STXBP4: variants seen among roughly 807,000 people sequenced by gnomAD.
STXBP4 encodes the protein syntaxin binding protein 4, also known as syntaxin-binding protein 4.
A neutral mutation model predicts 76.1 loss-of-function variants in STXBP4; 55 were observed. The ratio of observed to expected loss-of-function variants is 0.72; its 90% confidence interval spans 0.58 to 0.91. The LOEUF (loss-of-function observed/expected upper bound fraction) is 0.91. STXBP4 is among the 40% of genes least tolerant of loss of function. STXBP4 has a pLI of 0.00. For synonymous variants in STXBP4, 201 were observed against 220.2 expected (o/e 0.91, Z 0.77); for missense variants, 618 against 636.9 (o/e 0.97, Z 0.32).
chr17:55,082,546 A>T (rs551041837), intron 16 of STXBP4, among the ~76,000 whole-genome samples: 181 of 152,286 alleles, frequency 1.2e-3, no homozygotes, highest in Admixed American at 2.7e-3. Flanking sequence ...ACACAGAACA[A>T]TTCTTTGTTG....
the STXBP4 span, among the ~76,000 whole-genome samples, chr17:55,181,775 C>G: frequency 6.6e-6 from 1 of 152,268 alleles, no homozygotes; most frequent in Non-Finnish European, 1.5e-5. Context: ...CCTATTTACC[C>G]TTAGGGTATC....
chr17:55,109,542 G>A (rs575916894), intron 16 of STXBP4, among the ~76,000 whole-genome samples: 50 of 150,322 alleles, frequency 3.3e-4, no homozygotes, highest in African/African-American at 1.2e-3. Flanking sequence ...GGCCCCAGAA[G>A]AGTTCAAAGT....
chr17:55,062,356 T>C (rs1384037875), intron 12 of STXBP4, among the ~76,000 whole-genome samples: 1 of 152,166 alleles, frequency 6.6e-6, no homozygotes, highest in Non-Finnish European at 1.5e-5. Context: ...TTTCTGTTCC[T>C]GTGTTAGTTT....
intron 3 of STXBP4, among the ~76,000 whole-genome samples, chr17:54,989,346 C>T (rs1260972091): frequency 1.3e-5 from 2 of 152,172 alleles, no homozygotes; most frequent in Non-Finnish European, 2.9e-5. Context: ...CCGCCCGCCT[C>T]GGCCTCCCAA....
At chr17:55,000,133 A>G in intron 6 of STXBP4, 1 of 772,744 alleles carries the variant, frequency 1.3e-6, no homozygotes, top group South Asian at 5.9e-5. Flanking sequence ...AGAATGTCAT[A>G]TTTGGTTTCA....
intron 12 of STXBP4, among the ~76,000 whole-genome samples, chr17:55,051,898 A>C (rs2078864531): frequency 6.6e-6 from 1 of 152,184 alleles, no homozygotes; most frequent in Admixed American, 6.6e-5. Context: ...GTGTGTATAT[A>C]TACAGATGTT....
chr17:55,041,005 A>G (rs1007307111), intron 10 of STXBP4, among the ~76,000 whole-genome samples: 11 of 152,134 alleles, frequency 7.2e-5, no homozygotes, highest in African/African-American at 1.9e-4. Flanking sequence ...TCTGGCTGCA[A>G]GTTTTTGCTG....
At chr17:55,174,771 C>G (rs2080422918), downstream of STXBP4, among the ~76,000 whole-genome samples, 1 of 152,190 alleles carries the variant, frequency 6.6e-6, no homozygotes, top group Non-Finnish European at 1.5e-5. Flanking sequence ...AAGAATGGCT[C>G]TGCCTTCTCC....
At chr17:55,124,554 G>C (rs2079884629) in intron 16 of STXBP4, among the ~76,000 whole-genome samples, 1 of 152,156 alleles carries the variant, frequency 6.6e-6, no homozygotes, top group Non-Finnish European at 1.5e-5. Context: ...GCATTGATTG[G>C]TAGATTTTGT....
At chr17:55,036,622 T>C (rs981875834) in intron 10 of STXBP4, among the ~76,000 whole-genome samples, 1 of 151,908 alleles carries the variant, frequency 6.6e-6, no homozygotes, top group Non-Finnish European at 1.5e-5. Flanking sequence ...CTTATATATT[T>C]CTTTATTTTT....
At chr17:54,974,191 A>G (rs1425532594) in intron 1 of STXBP4, among the ~76,000 whole-genome samples, 2 of 152,230 alleles carry the variant, frequency 1.3e-5, no homozygotes, top group Non-Finnish European at 1.5e-5. Flanking sequence ...ATACCTAACA[A>G]TAATTCTGAC....
intron 16 of STXBP4, among the ~76,000 whole-genome samples, chr17:55,086,635 G>A (rs112764703): frequency 0.012 from 1,883 of 152,006 alleles, 25 homozygotes; most frequent in Non-Finnish European, 0.02. Context: ...ATGGAGACAC[G>A]CACACATACC....
chr17:55,117,131 G>C (rs1567769732), intron 16 of STXBP4, among the ~76,000 whole-genome samples: 1 of 151,646 alleles, frequency 6.6e-6, no homozygotes, highest in African/African-American at 2.4e-5. Context: ...ATGTAATCTT[G>C]AAATTCTTGG....
intron 16 of STXBP4, among the ~76,000 whole-genome samples, chr17:55,084,237 G>A (rs925562041): frequency 6.6e-6 from 1 of 152,076 alleles, no homozygotes; most frequent in Non-Finnish European, 1.5e-5. Flanking sequence ...GCCAGTGATG[G>A]TGAGCATTTT....
chr17:54,998,822 C>A (rs1354662252), intron 4 of STXBP4, among the ~76,000 whole-genome samples: 1 of 144,594 alleles, frequency 6.9e-6, no homozygotes, highest in East Asian at 2.1e-4. Context: ...CTCATCTCTA[C>A]AAAAAATTTT....
intron 13 of STXBP4, among the ~76,000 whole-genome samples, chr17:55,077,154 G>A (rs1336091933): frequency 6.6e-6 from 1 of 151,900 alleles, no homozygotes; most frequent in Non-Finnish European, 1.5e-5. Flanking sequence ...CCTTCAGTTA[G>A]CTTTCATTCA....
At chr17:55,126,165 T>G (rs1182991776) in intron 16 of STXBP4, among the ~76,000 whole-genome samples, 1 of 152,178 alleles carries the variant, frequency 6.6e-6, no homozygotes. Context: ...AGTATAATGT[T>G]TATAATTTCC....
At chr17:54,998,035 A>T (rs2077845186) in intron 4 of STXBP4, among the ~76,000 whole-genome samples, 1 of 152,098 alleles carries the variant, frequency 6.6e-6, no homozygotes, top group South Asian at 2.1e-4. Flanking sequence ...CCTTTCATGA[A>T]TGTTTTATGT....
At chr17:55,133,024 G>C (rs2079989817) in intron 16 of STXBP4, among the ~76,000 whole-genome samples, 1 of 152,168 alleles carries the variant, frequency 6.6e-6, no homozygotes, top group African/African-American at 2.4e-5. Flanking sequence ...GGAGATGGGG[G>C]AGCCAGGTCA....
Sources: gnomAD v4.1 joint callset for allele counts (sites outside exome capture counted in the v4.1 genomes callset) on GRCh38, gnomAD v4.1.1 for gene constraint, MANE v1.5 for transcripts, NCBI Gene and HGNC (gene_info 2026-07-23, HGNC 2026-07-21) for gene names.